Variants in SH3BP1 observed in about 807,000 individuals in gnomAD.
SH3BP1 encodes SH3 domain-binding protein 1.
Under a neutral mutation model 69.8 loss-of-function variants are expected in SH3BP1, and 46 were observed. The observed-to-expected ratio is 0.66, with a 90% confidence interval of 0.52 to 0.84. The LOEUF (loss-of-function observed/expected upper bound fraction) is 0.84, where lower values mean the gene tolerates loss of function less well. SH3BP1 is among the 40% of genes least tolerant of loss of function. The probability of loss-of-function intolerance (pLI) is 0.00; values close to 1 mark genes in which losing one functional copy is unlikely to be tolerated. For synonymous variants in SH3BP1, 403 were observed against 378.0 expected (o/e 1.07, Z -0.77); for missense variants, 868 against 930.9 (o/e 0.93, Z 0.88).
At chr22:37,639,873 C>A in intron 1 of SH3BP1, 27 bp downstream of exon 1, 2 of 1,540,414 alleles carry the variant, frequency 1.3e-6, no homozygotes, top group East Asian at 2.6e-5. Context: ...TCCAGCCCCA[C>A]TCTTACCCCG....
In SH3BP1 at chr22:37,641,131, C is replaced by G; in HGVS notation, c.65C>G (p.Pro22Arg). The G allele has an allele frequency of 6.5e-7, 1 of 1,541,710 alleles. No homozygotes were observed. The highest frequency in any genetic ancestry group is 8.8e-7 in the Non-Finnish European group (1 of 1,141,288). The change falls in exon 2 of 18, where the codon CCG becomes CGG. Residue 22 changes from proline (P) to arginine (R), a missense_variant. Coordinates refer to ENST00000649765, the MANE Select transcript of SH3BP1 (RefSeq NM_018957.6). Reference protein sequence around the residue: ...LAQTGSLGRTPETAEFLGEDL... With the variant: ...LAQTGSLGRTRETAEFLGEDL... Reference sequence around the variant, plus strand: ...CCCCCCACCACTCCCCGCAGCACCCCGGAGACCGCTGAGTTCCTGGGTGAG... The same window carrying G: ...CCCCCCACCACTCCCCGCAGCACCCGGGAGACCGCTGAGTTCCTGGGTGAG...
intron 14 of SH3BP1, among the ~76,000 whole-genome samples, chr22:37,649,556 G>T (rs1292073449): frequency 1.3e-5 from 2 of 152,178 alleles, no homozygotes; most frequent in Admixed American, 6.5e-5. Context: ...GGCCGAGGTG[G>T]GTGGATCACC....
At chr22:37,646,689 A>G (rs1014344516) in intron 10 of SH3BP1, 129 bp from the exon 11 acceptor site, 2 of 471,260 alleles carry the variant, frequency 4.2e-6, no homozygotes, top group African/African-American at 4.0e-5. Flanking sequence ...TGGTGCCCAC[A>G]CTGCCAGCCA....
In SH3BP1 at chr22:37,643,190, G is replaced by A. The variant is rs200256709; in HGVS notation, c.473+16G>A. On this transcript the variant is annotated intron_variant, in intron 6 of 17. Transcript: ENST00000649765. ...TCAAGAGCAGGTGGGAGCCCCAGCC[G>A]CTCAGGGGGCTCATATCTGGGTCAG... 4.4e-4 allele frequency: 707 copies of A among 1,593,828 alleles called. 3 individuals carry two copies. The African/African-American group carries it at 7.1e-3, about 16-fold the overall frequency.
chr22:37,648,677 G>C (rs1932824874), intron 14 of SH3BP1: 1 of 433,630 alleles, frequency 2.3e-6, no homozygotes, highest in South Asian at 4.2e-5. Flanking sequence ...GCATGGGGGA[G>C]CTGGGAGCCC....
intron 9 of SH3BP1, 200 bp from the exon 10 acceptor site, chr22:37,645,165 A>T: frequency 1.2e-6 from 1 of 842,610 alleles, no homozygotes; most frequent in Non-Finnish European, 1.8e-6. Context: ...CCTGTGAGGC[A>T]GAAGGAGGCA....
intron 14 of SH3BP1, among the ~76,000 whole-genome samples, chr22:37,649,657 G>T (rs936689514): frequency 6.6e-6 from 1 of 152,018 alleles, no homozygotes; most frequent in Non-Finnish European, 1.5e-5. Flanking sequence ...GGTGGTACGC[G>T]CCTGTAATCC....
At chr22:37,641,864 G>A (rs927054231) in intron 3 of SH3BP1, 6 of 217,306 alleles carry the variant, frequency 2.8e-5, no homozygotes, top group East Asian at 1.3e-4. Flanking sequence ...GCTGATAACC[G>A]CCAGCTTGTT....
intron 14 of SH3BP1, chr22:37,649,926 C>T: frequency 1.5e-6 from 1 of 646,676 alleles, no homozygotes; most frequent in Admixed American, 2.1e-5. Flanking sequence ...CAGATCACAA[C>T]TATGAGGAAA....
intron 16 of SH3BP1, among the ~76,000 whole-genome samples, chr22:37,652,475 G>C (rs774613565): frequency 6.6e-6 from 1 of 152,170 alleles, no homozygotes; most frequent in Non-Finnish European, 1.5e-5. Flanking sequence ...CGAGGCTGCA[G>C]TGAGCAATGA....
chr22:37,647,154 A>G, intron 11 of SH3BP1, 113 bp from the exon 12 acceptor site: 1 of 972,530 alleles, frequency 1.0e-6, no homozygotes. Flanking sequence ...CAGCCCAAAG[A>G]AACTGTCAGA....
rs1041639908 is a variant in SH3BP1 at position 37,648,572 on chromosome 22, G to A, written c.1316+137G>A. ...AGCAGCTCCTGTTTTTGAGGCTGCC[G>A]TGAGGAACAGGCCAAAGGGGCTGTG... On this transcript the variant is annotated intron_variant, in intron 14 of 17. Transcript: ENST00000649765. 6.3e-5 allele frequency: 42 copies of A among 667,326 alleles called. 1 individual carries two copies. Among genetic ancestry groups the A allele is most frequent in the South Asian group, 2.7e-4 (16 of 58,206 alleles). The allele number at this position is 667,326 out of a possible 1,614,324, so 41.3% of individuals were successfully genotyped here.
chr22:37,653,736 G>A (rs2146075837), intron 16 of SH3BP1, 43 bp from the exon 17 acceptor site: 1 of 1,390,546 alleles, frequency 7.2e-7, no homozygotes, highest in Non-Finnish European at 1.0e-6. Flanking sequence ...TGAGACTTCT[G>A]GGAGGTGGCT....
At position 37,644,958 on chromosome 22, in the gene SH3BP1, C is replaced by G. The variant is rs1932756786; in HGVS notation, c.776C>G (p.Ala259Gly). ...GAGCTGAGGGAGAACCACGGCCAAG[C>G]AGGTGGGGACATAGGCCCGGCGATA... ...LAELRENHGQ[A>G]DHSPSMTATH... The change falls in exon 9 of 18, where the codon GCA becomes GGA. Residue 259 changes from alanine (A) to glycine (G), a missense_variant and splice_region_variant. Coordinates refer to ENST00000649765, the MANE Select transcript of SH3BP1 (RefSeq NM_018957.6). 1 of 1,613,562 alleles carries G rather than the reference C, an allele frequency of 6.2e-7. No individual in the cohort carries two copies. The highest frequency in any genetic ancestry group is 1.7e-5 in the Admixed American group (1 of 59,972).
In SH3BP1 at chr22:37,642,989, C is replaced by G. The variant is rs1932659202; in HGVS notation, c.379C>G (p.Leu127Val). The G allele has an allele frequency of 6.2e-7, 1 of 1,613,014 alleles. No individual in the cohort carries two copies. Among genetic ancestry groups the G allele is most frequent in the Non-Finnish European group, 8.5e-7 (1 of 1,179,862 alleles). ...CCTGGAGAGGGACGTCCTGCAGCCA[C>G]TCAGCAGGCTGAGTGAGGTGAGCCT... Reference protein sequence around the residue: ...MTLERDVLQPLSRLSEEELPA... With the variant: ...MTLERDVLQPVSRLSEEELPA... Residue 127 changes from leucine to valine, a missense_variant, in exon 5 of 18, where the codon CTC becomes GTC. Physicochemically the swap from Leu to Val is conservative, Grantham distance 32. Around this residue, in one of 3 missense-constraint regions of SH3BP1, gnomAD observed 387 missense variants for 447.9 expected, o/e 0.86. Coordinates refer to ENST00000649765, the MANE Select transcript of SH3BP1 (RefSeq NM_018957.6).
At chr22:37,644,589 G>T (rs1408813710) in intron 7 of SH3BP1, 48 bp from the exon 8 acceptor site, 1 of 1,586,314 alleles carries the variant, frequency 6.3e-7, no homozygotes. Flanking sequence ...TTCCCCTCTA[G>T]ACCCCACAGC....
intron 7 of SH3BP1, 97 bp downstream of exon 7, chr22:37,643,885 T>C (rs1322180150): frequency 6.7e-7 from 1 of 1,494,054 alleles, no homozygotes; most frequent in Non-Finnish European, 9.1e-7. Flanking sequence ...AGAGGTGACA[T>C]GACTTGCCTA....
At chr22:37,645,135 C>CG (rs1266415559) in intron 9 of SH3BP1, 175 bp downstream of exon 9, 3 of 824,694 alleles carry the variant, frequency 3.6e-6, no homozygotes, top group Non-Finnish European at 5.7e-6. Flanking sequence ...TGGAGTGAAG[C>CG]GGGCAGGACT....
chr22:37,651,919 G>T (rs963201734), intron 16 of SH3BP1, among the ~76,000 whole-genome samples: 8 of 151,966 alleles, frequency 5.3e-5, no homozygotes, highest in Non-Finnish European at 1.5e-5. Context: ...GGCCAGGAAA[G>T]ACCTCGCTAA....
Sources: gnomAD v4.1 joint callset for allele counts (sites outside exome capture counted in the v4.1 genomes callset) on GRCh38, gnomAD v4.1.1 for gene constraint, gnomAD v4.1.1 regional missense constraint, MANE v1.5 for transcripts, NCBI Gene and HGNC (gene_info 2026-07-23, HGNC 2026-07-21) for gene names.